The following SHANK2 variants were observed in gnomAD, a reference collection of about 807,000 sequenced individuals.
SHANK2 encodes the protein SH3 and multiple ankyrin repeat domains protein 2.
SHANK2 carries 43 observed loss-of-function variants against 133.7 expected under a neutral mutation model. That is an observed-to-expected ratio of 0.32 (90% CI 0.25 to 0.41). SHANK2 has a LOEUF of 0.41. Among genes scored for constraint, SHANK2 ranks in the 10% least tolerant of loss-of-function variants. The pLI, the probability that SHANK2 is intolerant of heterozygous loss-of-function variation, is 1.00. For synonymous variants in SHANK2, 1,017 were observed against 952.8 expected, an observed-to-expected ratio of 1.07 and a Z score of -1.24; for missense variants, 1,994 against 2,235.8, an observed-to-expected ratio of 0.89 and a Z score of 2.18.
intron 17 of SHANK2, among the ~76,000 whole-genome samples, chr11:70,629,412 T>C (rs558830): frequency 0.55 from 84,185 of 152,068 alleles, 23,558 homozygotes; most frequent in Middle Eastern, 0.64. Flanking sequence ...AGTGTGGCTC[T>C]GCTGCTGGCC....
At chr11:70,942,566 G>C (rs782230786) in intron 10 of SHANK2, 3 of 456,682 alleles carry the variant, frequency 6.6e-6, no homozygotes, top group South Asian at 3.1e-5. Flanking sequence ...CATGAGATTT[G>C]GTGGGGACAA....
chr11:71,111,370 G>T (rs1255172597), intron 5 of SHANK2, among the ~76,000 whole-genome samples: 1 of 152,236 alleles, frequency 6.6e-6, no homozygotes, highest in East Asian at 1.9e-4. Flanking sequence ...GTGGCTCAAG[G>T]TGAAGTGCGG....
chr11:70,561,609 GCTTCAAA>G (rs2059909260), intron 17 of SHANK2, among the ~76,000 whole-genome samples: 1 of 151,892 alleles, frequency 6.6e-6, no homozygotes, highest in Admixed American at 6.6e-5. Flanking sequence ...GCTCACTGTA[GCTTCAAA>G]CTTCTGGGCT....
At chr11:70,482,236 C>T (rs2135711389) in intron 25 of SHANK2, among the ~76,000 whole-genome samples, 1 of 152,362 alleles carries the variant, frequency 6.6e-6, no homozygotes, top group African/African-American at 2.4e-5. Context: ...AGGGAACAGA[C>T]ATGGCCTCTG....
At chr11:70,646,098 A>G (rs2061256357) in intron 17 of SHANK2, 1 of 152,114 alleles carries the variant, frequency 6.6e-6, no homozygotes, top group South Asian at 2.1e-4. Context: ...AGCTGTGTGG[A>G]CCCCCAGAAC....
At position 70,823,839 on chromosome 11, in the gene SHANK2, G is replaced by A. The variant is rs371063323; in HGVS notation, c.1175-3157C>T. Among the ~76,000 whole-genome samples the A allele has an allele frequency of 4.2e-4, 63 of 150,018 alleles. 1 individual carries two copies. In the South Asian group the frequency reaches 0.011, roughly 27 times the overall value. ...CGAGTTCATGAGGGACAGAGGTGGCGTTGACAGAGCTCCTGGGGGACAGAG... is the reference window on the plus strand; with the variant it reads ...CGAGTTCATGAGGGACAGAGGTGGCATTGACAGAGCTCCTGGGGGACAGAG... On this transcript the variant is annotated intron_variant, in intron 11 of 25. Transcript: ENST00000601538.
At chr11:71,193,667 G>A (rs1209365558) in intron 2 of SHANK2, among the ~76,000 whole-genome samples, 1 of 152,292 alleles carries the variant, frequency 6.6e-6, no homozygotes, top group South Asian at 2.1e-4. Context: ...GCACCTGCAC[G>A]AGTTGGCCAG....
chr11:70,563,111 C>T (rs1286814455), intron 17 of SHANK2, among the ~76,000 whole-genome samples: 7 of 152,278 alleles, frequency 4.6e-5, no homozygotes, highest in East Asian at 1.9e-4. Context: ...TCTCGTGATC[C>T]GCCCACCCTG....
chr11:70,661,533 AC>A, intron 16 of SHANK2, 62 bp downstream of exon 16: 1 of 800,132 alleles, frequency 1.2e-6, no homozygotes, highest in African/African-American at 2.1e-5. Context: ...ACACACACAC[AC>A]ACACACACAC....
intron 15 of SHANK2, among the ~76,000 whole-genome samples, chr11:70,695,897 C>G (rs1487158791): frequency 6.6e-6 from 1 of 152,232 alleles, no homozygotes; most frequent in Non-Finnish European, 1.5e-5. Context: ...AGTACTGGAG[C>G]TGACTCCTAA....
chr11:70,833,589 T>C (rs1342600960), intron 11 of SHANK2, among the ~76,000 whole-genome samples: 1 of 152,236 alleles, frequency 6.6e-6, no homozygotes, highest in Non-Finnish European at 1.5e-5. Flanking sequence ...GTCCCTGGAC[T>C]CTGGATCCCC....
At position 70,584,743 on chromosome 11, in the gene SHANK2, C is replaced by T. The variant is rs146853043; in HGVS notation, c.2061+75085G>A. Among the ~76,000 whole-genome samples the T allele has an allele frequency of 3.0e-3, 461 of 152,354 alleles. 5 individuals are homozygous for T. The highest frequency in any genetic ancestry group is 0.01 in the African/African-American group (421 of 41,578). Reference sequence around the variant, plus strand: ...GGCCCCCAAGGCATGGCCTCCCCTACCTCCTGGGAAGAGTGAGTTAGCAGC... The same window carrying T: ...GGCCCCCAAGGCATGGCCTCCCCTATCTCCTGGGAAGAGTGAGTTAGCAGC... On this transcript the variant is annotated intron_variant, in intron 17 of 25. Coordinates refer to ENST00000601538, the MANE Select transcript of SHANK2 (RefSeq NM_012309.5).
At chr11:70,918,986 A>C (rs1250100359) in intron 10 of SHANK2, among the ~76,000 whole-genome samples, 2 of 152,070 alleles carry the variant, frequency 1.3e-5, no homozygotes, top group Non-Finnish European at 2.9e-5. Flanking sequence ...CAGCATAATA[A>C]GACCCCATTT....
chr11:70,591,435 C>T (rs1449938323), intron 17 of SHANK2, among the ~76,000 whole-genome samples: 4 of 151,676 alleles, frequency 2.6e-5, no homozygotes, highest in African/African-American at 9.7e-5. Flanking sequence ...AAGAAGGAGC[C>T]GGAATCCACA....
intron 15 of SHANK2, among the ~76,000 whole-genome samples, chr11:70,689,977 T>C (rs2134435328): frequency 6.6e-6 from 1 of 152,264 alleles, no homozygotes; most frequent in South Asian, 2.1e-4. Context: ...TGGAGAACAT[T>C]TGATAACTAG....
intron 9 of SHANK2, among the ~76,000 whole-genome samples, chr11:71,073,136 C>CTTTTTTTT (rs1178533659): frequency 1.4e-5 from 1 of 72,336 alleles, no homozygotes; most frequent in Non-Finnish European, 3.5e-5. Context: ...TGTTTTTTTT[C>CTTTTTTTT]TTTTTCTTTT....
intron 6 of SHANK2, 59 bp downstream of exon 6, chr11:71,109,882 G>A: frequency 1.9e-6 from 2 of 1,031,470 alleles, no homozygotes; most frequent in Non-Finnish European, 3.0e-6. Flanking sequence ...CTGAGCAGTG[G>A]GCTGGCCTTC....
At chr11:70,786,350 C>T (rs1947653845) in intron 14 of SHANK2, among the ~76,000 whole-genome samples, 1 of 152,124 alleles carries the variant, frequency 6.6e-6, no homozygotes, top group African/African-American at 2.4e-5. Flanking sequence ...GAGGGCAGAG[C>T]AGGAGTGACA....
At chr11:71,140,563 GC>G (rs537642741) in intron 3 of SHANK2, among the ~76,000 whole-genome samples, 137 of 152,340 alleles carry the variant, frequency 9.0e-4, no homozygotes, top group African/African-American at 3.0e-3. Flanking sequence ...GATGACCGGG[GC>G]CTCCCTTCTA....
Sources: allele counts gnomAD v4.1 joint callset (sites outside exome capture counted in the v4.1 genomes callset), GRCh38; gene constraint gnomAD v4.1.1; transcripts MANE v1.5; gene names NCBI Gene and HGNC (gene_info 2026-07-23, HGNC 2026-07-21).